The following NCK2 variants were observed in gnomAD, a reference collection of about 807,000 sequenced individuals.
NCK2 encodes the protein NCK adaptor protein 2.
NCK2 carries 16 observed loss-of-function variants against 33.9 expected under a neutral mutation model. That is an observed-to-expected ratio of 0.47 (90% CI 0.32 to 0.72). The LOEUF is 0.72. Among genes scored for constraint, NCK2 ranks in the 30% least tolerant of loss-of-function variants. The pLI, the probability that NCK2 is intolerant of heterozygous loss-of-function variation, is 0.03. For synonymous variants in NCK2, 273 were observed against 239.9 expected (o/e 1.14, Z -1.27); for missense variants, 418 against 537.3 (o/e 0.78, Z 2.19).
intron 1 of NCK2, among the ~76,000 whole-genome samples, chr2:105,773,693 C>T (rs1293831979): frequency 6.6e-6 from 1 of 152,124 alleles, no homozygotes; most frequent in Admixed American, 6.6e-5. Flanking sequence ...CAGTCACCCA[C>T]TCAACAACTA....
At chr2:105,889,569 TTC>T (rs1407191682) in intron 4 of NCK2, among the ~76,000 whole-genome samples, 2 of 109,434 alleles carry the variant, frequency 1.8e-5, no homozygotes, top group Non-Finnish European at 4.0e-5. Context: ...GAATTTGCAT[TTC>T]TTTTTTTTTT....
chr2:105,860,231 A>G (rs1307533790), intron 3 of NCK2, among the ~76,000 whole-genome samples: 14 of 152,208 alleles, frequency 9.2e-5, no homozygotes, highest in Non-Finnish European at 7.3e-5. Flanking sequence ...GGCTGCAGTG[A>G]GCAGTGATTG....
intron 3 of NCK2, among the ~76,000 whole-genome samples, chr2:105,861,941 C>T (rs578126291): frequency 4.8e-5 from 7 of 146,648 alleles, no homozygotes; most frequent in Non-Finnish European, 7.5e-5. Context: ...CCCTCCTGCC[C>T]GCTCCCCCCT....
Position 105,881,318 on chromosome 2 carries a change from G to A in NCK2, c.227-10G>A. ...GCCCTGCGCCACTGAGCCTTGCTGT[G>A]TCTCCACAGGCCTCGGCAAGACGCG... On this transcript the variant is annotated splice_polypyrimidine_tract_variant and intron_variant, in intron 3 of 4. Transcript: ENST00000233154. 6.3e-7 allele frequency: 1 copy of A among 1,576,748 alleles called. No homozygotes were observed. The highest frequency in any genetic ancestry group is 8.6e-7 in the Non-Finnish European group (1 of 1,164,522).
intron 1 of NCK2, among the ~76,000 whole-genome samples, chr2:105,796,545 G>A (rs920295651): frequency 6.6e-6 from 1 of 152,174 alleles, no homozygotes; most frequent in Non-Finnish European, 1.5e-5. Flanking sequence ...TGAGTGTGTG[G>A]CACAGAACGC....
chr2:105,753,017 G>T (rs771835741), intron 1 of NCK2, among the ~76,000 whole-genome samples: 1 of 152,074 alleles, frequency 6.6e-6, no homozygotes, highest in African/African-American at 2.4e-5. Flanking sequence ...TATCTTCATC[G>T]CTAAGGAAAG....
At chr2:105,770,453 A>G (rs1690096630) in intron 1 of NCK2, among the ~76,000 whole-genome samples, 1 of 152,218 alleles carries the variant, frequency 6.6e-6, no homozygotes, top group Admixed American at 6.5e-5. Flanking sequence ...TCTTACAACT[A>G]AGAAGGCCTG....
intron 2 of NCK2, among the ~76,000 whole-genome samples, chr2:105,837,099 C>T (rs779869297): frequency 6.6e-6 from 1 of 152,178 alleles, no homozygotes; most frequent in Non-Finnish European, 1.5e-5. Context: ...TCTGTGCTGC[C>T]ATCCTGAGCT....
chr2:105,817,699 C>G (rs1439925770), intron 2 of NCK2, among the ~76,000 whole-genome samples: 2 of 152,006 alleles, frequency 1.3e-5, no homozygotes, highest in African/African-American at 4.8e-5. Flanking sequence ...CACTGGCCAT[C>G]AGAGAAATGC....
intron 1 of NCK2, among the ~76,000 whole-genome samples, chr2:105,802,635 T>C (rs1674884741): frequency 6.6e-6 from 1 of 152,116 alleles, no homozygotes; most frequent in Non-Finnish European, 1.5e-5. Flanking sequence ...AGGAACTAAA[T>C]AGAGTGAGAA....
chr2:105,791,070 A>G (rs966472425), intron 1 of NCK2, among the ~76,000 whole-genome samples: 3 of 152,180 alleles, frequency 2.0e-5, no homozygotes, highest in African/African-American at 7.2e-5. Context: ...GCCCATGAGC[A>G]ACACAGCTGA....
At chr2:105,830,316 G>C (rs188209732) in intron 2 of NCK2, among the ~76,000 whole-genome samples, 1 of 152,074 alleles carries the variant, frequency 6.6e-6, no homozygotes, top group East Asian at 1.9e-4. Flanking sequence ...TGAGAACTCT[G>C]GTATTTATCT....
chr2:105,803,683 T>C lies in NCK2; in HGVS notation c.-200-12747T>C, dbSNP rs1194532906. On this transcript the variant is annotated intron_variant, in intron 1 of 4. Transcript: ENST00000233154. ...CCAGGTTAGTCGTCTTTCACACTTG[T>C]GGTCCAGTTATGAGGGTTTAGAGAA... Among the ~76,000 whole-genome samples, 3 of 152,218 alleles carry C rather than the reference T, an allele frequency of 2.0e-5. No homozygotes were observed. In the East Asian group the frequency reaches 5.8e-4, roughly 29 times the overall value.
chr2:105,812,815 CTT>C (rs5833152), intron 1 of NCK2, among the ~76,000 whole-genome samples: 2 of 142,958 alleles, frequency 1.4e-5, no homozygotes, highest in Non-Finnish European at 3.0e-5. Flanking sequence ...TTCAACAAGG[CTT>C]TTTTTTTTTT....
At chr2:105,788,721 G>A (rs1463700572) in intron 1 of NCK2, among the ~76,000 whole-genome samples, 1 of 152,000 alleles carries the variant, frequency 6.6e-6, no homozygotes, top group East Asian at 1.9e-4. Context: ...TCCATAGAAT[G>A]CATAATTTTT....
chr2:105,864,828 TACACACACACACACACAC>T lies in NCK2; in HGVS notation c.226+9568_226+9585del, dbSNP rs10524426. Among the ~76,000 whole-genome samples the T allele has an allele frequency of 0.012, 1,676 of 144,454 alleles. 81 individuals are homozygous for T. In the East Asian group the frequency reaches 0.14, roughly 12 times the overall value. 94.8% of individuals were successfully genotyped at this position (144,454 alleles called of 152,430 possible). ...GTAACCTCTAGCTCACATGTGCATG[TACACACACACACACACAC>T]ACACACACACACACACACACACACA... On this transcript the variant is annotated intron_variant, in intron 3 of 4. Transcript: ENST00000233154.
intron 3 of NCK2, among the ~76,000 whole-genome samples, chr2:105,878,562 C>G (rs952873743): frequency 6.6e-6 from 1 of 152,208 alleles, no homozygotes; most frequent in African/African-American, 2.4e-5. Context: ...CCTGCCCACA[C>G]CTTGATTTGG....
intron 1 of NCK2, among the ~76,000 whole-genome samples, chr2:105,773,654 A>T (rs938897801): frequency 2.0e-5 from 3 of 152,042 alleles, no homozygotes; most frequent in Non-Finnish European, 4.4e-5. Flanking sequence ...TGGTTTATGG[A>T]TATTTTTTCT....
intron 3 of NCK2, among the ~76,000 whole-genome samples, chr2:105,864,732 C>G (rs919167868): frequency 1.3e-5 from 2 of 151,940 alleles, no homozygotes; most frequent in Admixed American, 6.6e-5. Context: ...ATGTTAAAGA[C>G]TGGACCTGGC....
Sources: allele counts gnomAD v4.1 joint callset (sites outside exome capture counted in the v4.1 genomes callset), GRCh38; gene constraint gnomAD v4.1.1; transcripts MANE v1.5; gene names NCBI Gene and HGNC (gene_info 2026-07-23, HGNC 2026-07-21).